SH3D19: variants seen among roughly 807,000 people sequenced by gnomAD.
SH3D19 encodes SH3 domain containing 19.
In SH3D19, 58 loss-of-function variants were observed where a neutral mutation model predicts 112.1. The ratio of observed to expected loss-of-function variants is 0.52; its 90% CI spans 0.42 to 0.64. The LOEUF (loss-of-function observed/expected upper bound fraction) is 0.64. SH3D19 is among the 30% of genes least tolerant of loss of function. SH3D19 has a pLI of 0.00. For missense variants in SH3D19, 1,090 were observed against 1,263.4 expected, an observed-to-expected ratio of 0.86 and a Z score of 2.08; for synonymous variants, 391 against 448.5, an observed-to-expected ratio of 0.87 and a Z score of 1.62.
chr4:151,139,880 T>G (rs767323978), intron 12 of SH3D19, 33 bp from the exon 13 acceptor site: 2 of 1,606,046 alleles, frequency 1.2e-6, no homozygotes, highest in Non-Finnish European at 1.7e-6. Flanking sequence ...GAATGAAGTG[T>G]GCAGGATAGA....
intron 2 of SH3D19, among the ~76,000 whole-genome samples, chr4:151,204,448 G>A (rs1561338004): frequency 2.0e-5 from 3 of 152,186 alleles, no homozygotes; most frequent in Non-Finnish European, 4.4e-5. Context: ...AAAAATTTCT[G>A]TAGATTTATT....
rs762034734 is a variant in SH3D19 at position 151,174,901 on chromosome 4, T to C, written c.1303A>G (p.Thr435Ala). 12 of 1,612,778 alleles carry C rather than the reference T, an allele frequency of 7.4e-6. No individual in the cohort carries two copies. The highest frequency in any genetic ancestry group is 1.7e-5 in the Admixed American group (1 of 59,896). Residue 435 changes from threonine (T) to alanine (A), a missense_variant, in exon 7 of 20, where the codon ACC becomes GCC. Coordinates refer to ENST00000604030, the MANE Select transcript of SH3D19 (RefSeq NM_001378122.1). Reference sequence around the variant, plus strand: ...GGTTTCAGTGGAGCTGAAGGGTAGGTGGGGTTTTCTGAGGAAACAGATTTC... The same window carrying C: ...GGTTTCAGTGGAGCTGAAGGGTAGGCGGGGTTTTCTGAGGAAACAGATTTC... ...LKKSVSSENP[T>A]YPSAPLKPVT...
At chr4:151,255,358 C>A (rs920860382) in intron 1 of SH3D19, among the ~76,000 whole-genome samples, 73 of 151,670 alleles carry the variant, frequency 4.8e-4, no homozygotes, top group African/African-American at 1.7e-3. Flanking sequence ...AGGGTCGCGG[C>A]CGGGCAGAGG....
At chr4:151,149,368 C>G in intron 10 of SH3D19, 132 bp downstream of exon 10, 1 of 647,064 alleles carries the variant, frequency 1.5e-6, no homozygotes, top group South Asian at 2.0e-5. Flanking sequence ...GATTAGGGGC[C>G]TGCGTGAAAT....
chr4:151,234,476 G>A (rs550940205), intron 1 of SH3D19, among the ~76,000 whole-genome samples: 4 of 152,190 alleles, frequency 2.6e-5, no homozygotes, highest in South Asian at 2.1e-4. Context: ...GGAGGGGAGC[G>A]GCAAGGGAAG....
intron 1 of SH3D19, among the ~76,000 whole-genome samples, chr4:151,284,587 A>G (rs1163786316): frequency 6.6e-6 from 1 of 152,144 alleles, no homozygotes; most frequent in Non-Finnish European, 1.5e-5. Flanking sequence ...TTCTCCAACA[A>G]TTGCTTTTTC....
chr4:151,308,648 T>C (rs892215862), intron 1 of SH3D19, among the ~76,000 whole-genome samples: 2 of 152,190 alleles, frequency 1.3e-5, no homozygotes, highest in African/African-American at 4.8e-5. Context: ...AGCCTCTTTC[T>C]TGGGGAGGCT....
At chr4:151,133,868 T>C (rs1182808161) in intron 15 of SH3D19, among the ~76,000 whole-genome samples, 1 of 152,190 alleles carries the variant, frequency 6.6e-6, no homozygotes, top group Non-Finnish European at 1.5e-5. Context: ...AATCCTTACA[T>C]GATCTGCAAT....
intron 7 of SH3D19, among the ~76,000 whole-genome samples, chr4:151,168,899 A>G (rs1758563319): frequency 1.3e-5 from 2 of 152,166 alleles, no homozygotes; most frequent in South Asian, 2.1e-4. Flanking sequence ...CTGGGCCAGT[A>G]TAAGACCTAC....
At chr4:151,153,349 C>A (rs560588288) in intron 9 of SH3D19, among the ~76,000 whole-genome samples, 1 of 151,900 alleles carries the variant, frequency 6.6e-6, no homozygotes, top group African/African-American at 2.4e-5. Context: ...TGGGTTCAAG[C>A]GATTCTCCTG....
intron 7 of SH3D19, among the ~76,000 whole-genome samples, chr4:151,169,214 A>G (rs1405446505): frequency 6.6e-6 from 1 of 152,118 alleles, no homozygotes; most frequent in Non-Finnish European, 1.5e-5. Flanking sequence ...TCATTTTTTT[A>G]ATTTTTAATA....
intron 1 of SH3D19, among the ~76,000 whole-genome samples, chr4:151,280,493 A>G (rs1231021882): frequency 6.6e-6 from 1 of 152,234 alleles, no homozygotes; most frequent in Non-Finnish European, 1.5e-5. Context: ...GTCACACCTG[A>G]TTCCTGACCC....
chr4:151,227,836 T>G (rs1769242145), intron 1 of SH3D19: 1 of 985,308 alleles, frequency 1.0e-6, no homozygotes, highest in South Asian at 4.7e-5. Context: ...ATAGTTTACT[T>G]AGGCATGTAA....
chr4:151,123,092 C>T (rs1258867476), intron 19 of SH3D19, among the ~76,000 whole-genome samples: 2 of 152,124 alleles, frequency 1.3e-5, no homozygotes, highest in Admixed American at 6.6e-5. Context: ...CCTTGTGATC[C>T]GCCCACCTTG....
At chr4:151,294,749 A>G (rs999274312) in intron 1 of SH3D19, among the ~76,000 whole-genome samples, 4 of 152,268 alleles carry the variant, frequency 2.6e-5, no homozygotes, top group African/African-American at 9.6e-5. Context: ...AGTAGTTTAC[A>G]TTGCAGTGGA....
intron 1 of SH3D19, among the ~76,000 whole-genome samples, chr4:151,305,967 G>T (rs1373927963): frequency 6.6e-6 from 1 of 152,120 alleles, no homozygotes; most frequent in Non-Finnish European, 1.5e-5. Flanking sequence ...TCAAACTATT[G>T]ATATAGTAAC....
intron 1 of SH3D19, among the ~76,000 whole-genome samples, chr4:151,273,383 G>A (rs751235153): frequency 1.3e-4 from 20 of 151,956 alleles, no homozygotes; most frequent in Non-Finnish European, 2.5e-4. Flanking sequence ...GAGGTCAGGA[G>A]TTTGAGACCA....
At chr4:151,180,925 G>A (rs9307881) in intron 3 of SH3D19, among the ~76,000 whole-genome samples, 99,468 of 141,732 alleles carry the variant, frequency 0.7, 39,573 homozygotes, top group Non-Finnish European at 0.89. Context: ...CACCATGCCC[G>A]GCTATTTTTT....
At chr4:151,187,253 T>G (rs1313423094) in intron 3 of SH3D19, among the ~76,000 whole-genome samples, 170 bp downstream of exon 3, 1 of 152,188 alleles carries the variant, frequency 6.6e-6, no homozygotes, top group East Asian at 1.9e-4. Context: ...GGCTTATCAA[T>G]AAATATAGGC....
Sources: allele counts gnomAD v4.1 joint callset (sites outside exome capture counted in the v4.1 genomes callset), GRCh38; gene constraint gnomAD v4.1.1; transcripts MANE v1.5; gene names NCBI Gene and HGNC (gene_info 2026-07-23, HGNC 2026-07-21).